Variants in GALNT13 observed in about 807,000 individuals in gnomAD.
GALNT13 encodes the protein polypeptide N-acetylgalactosaminyltransferase 13.
In GALNT13, 28 loss-of-function variants were observed where a neutral mutation model predicts 64.2. That is an observed-to-expected ratio of 0.44 (90% CI 0.32 to 0.60). The LOEUF (loss-of-function observed/expected upper bound fraction) is 0.60. GALNT13 is among the 20% of genes least tolerant of loss of function. GALNT13 has a pLI of 0.05. For missense variants in GALNT13, 577 were observed against 669.8 expected, an observed-to-expected ratio of 0.86 and a Z score of 1.53; for synonymous variants, 214 against 224.6, an observed-to-expected ratio of 0.95 and a Z score of 0.42.
At chr2:153,704,084 A>G in the GALNT13 span, among the ~76,000 whole-genome samples, 1 of 152,124 alleles carries the variant, frequency 6.6e-6, no homozygotes, top group Non-Finnish European at 1.5e-5. Flanking sequence ...CTTGTTAAAA[A>G]TCTACCCTAT....
chr2:153,592,174 T>C, the GALNT13 span, among the ~76,000 whole-genome samples: 2 of 151,968 alleles, frequency 1.3e-5, no homozygotes, highest in Non-Finnish European at 2.9e-5. Context: ...AGCATTAAAG[T>C]CAAGAAACAA....
At chr2:153,774,784 C>T in the GALNT13 span, among the ~76,000 whole-genome samples, 1 of 152,078 alleles carries the variant, frequency 6.6e-6, no homozygotes, top group Non-Finnish European at 1.5e-5. Flanking sequence ...GTGGCATGCA[C>T]CTGTAATCCT....
At chr2:153,807,919 T>C in the GALNT13 span, among the ~76,000 whole-genome samples, 1 of 152,136 alleles carries the variant, frequency 6.6e-6, no homozygotes, top group Admixed American at 6.5e-5. Context: ...TCGGTTATTT[T>C]CTTAGTGGTA....
At chr2:154,044,271 G>A (rs1699168714) in intron 3 of GALNT13, among the ~76,000 whole-genome samples, 1 of 152,094 alleles carries the variant, frequency 6.6e-6, no homozygotes, top group African/African-American at 2.4e-5. Context: ...AATGAAATGT[G>A]TGAAATTAAC....
intron 3 of GALNT13, among the ~76,000 whole-genome samples, chr2:154,120,344 C>T (rs888424483): frequency 6.6e-6 from 1 of 152,292 alleles, no homozygotes; most frequent in Middle Eastern, 3.4e-3. Flanking sequence ...TTGCAATCTG[C>T]AGTTGGGCAG....
intron 11 of GALNT13, chr2:154,409,347 T>C (rs563847102): frequency 2.0e-5 from 8 of 409,016 alleles, no homozygotes; most frequent in Middle Eastern, 7.0e-4. Context: ...CATTTTATCA[T>C]GTATTAGCAA....
chr2:154,199,486 T>G (rs1687057148), intron 4 of GALNT13, among the ~76,000 whole-genome samples: 1 of 152,052 alleles, frequency 6.6e-6, no homozygotes, highest in Non-Finnish European at 1.5e-5. Context: ...ACTTGAGGTT[T>G]AGTAAATTTT....
At chr2:153,225,410 T>A in the GALNT13 span, among the ~76,000 whole-genome samples, 1 of 152,226 alleles carries the variant, frequency 6.6e-6, no homozygotes. Flanking sequence ...GACTGGTTAG[T>A]TAGCCTTAAT....
the GALNT13 span, among the ~76,000 whole-genome samples, chr2:153,410,068 C>A: frequency 6.6e-6 from 1 of 152,164 alleles, no homozygotes; most frequent in African/African-American, 2.4e-5. Flanking sequence ...AGGGCAAAGT[C>A]TTCAAAGTCC....
chr2:153,511,088 G>A, the GALNT13 span, among the ~76,000 whole-genome samples: 31 of 152,220 alleles, frequency 2.0e-4, no homozygotes, highest in African/African-American at 7.2e-4. Context: ...AGAAAGGGGT[G>A]GAAGGAGGAA....
chr2:154,371,852 A>AT (rs1366066161), intron 9 of GALNT13, among the ~76,000 whole-genome samples: 2 of 151,860 alleles, frequency 1.3e-5, no homozygotes, highest in Non-Finnish European at 2.9e-5. Context: ...CAACATACAC[A>AT]TAAAAATACT....
At chr2:154,381,913 A>G (rs1299229570) in intron 9 of GALNT13, among the ~76,000 whole-genome samples, 1 of 152,100 alleles carries the variant, frequency 6.6e-6, no homozygotes, top group Non-Finnish European at 1.5e-5. Flanking sequence ...TGCAACAGGC[A>G]AATTTAGAGG....
chr2:154,318,328 A>G (rs549069870), intron 9 of GALNT13, among the ~76,000 whole-genome samples: 6 of 152,226 alleles, frequency 3.9e-5, no homozygotes, highest in African/African-American at 9.6e-5. Context: ...GAATATTACA[A>G]TGCAATTTAG....
chr2:154,046,908 A>G (rs909223036), intron 3 of GALNT13, among the ~76,000 whole-genome samples: 2 of 147,730 alleles, frequency 1.4e-5, no homozygotes, highest in Non-Finnish European at 3.0e-5. Flanking sequence ...GACAAAATAT[A>G]TTTCTGTTGT....
chr2:153,632,287 C>A, the GALNT13 span, among the ~76,000 whole-genome samples: 10 of 152,242 alleles, frequency 6.6e-5, no homozygotes, highest in African/African-American at 2.2e-4. Context: ...GTCCCTAGCC[C>A]CCGCTGAGTT....
At chr2:154,170,737 G>A (rs1009917796) in intron 4 of GALNT13, among the ~76,000 whole-genome samples, 9 of 152,184 alleles carry the variant, frequency 5.9e-5, no homozygotes, top group South Asian at 2.1e-4. Context: ...TATTGGAATA[G>A]CACCTAAGTA....
the GALNT13 span, among the ~76,000 whole-genome samples, chr2:153,628,176 G>A: frequency 2.0e-5 from 3 of 152,056 alleles, no homozygotes; most frequent in Admixed American, 6.6e-5. Context: ...GAATGCTTGT[G>A]ATTTTTGTAC....
intron 2 of GALNT13, among the ~76,000 whole-genome samples, chr2:153,908,796 C>A (rs956672367): frequency 6.6e-6 from 1 of 151,724 alleles, no homozygotes; most frequent in African/African-American, 2.4e-5. Flanking sequence ...TATTGTAGCT[C>A]TGTAGTATAG....
chr2:154,341,527 G>T (rs1218968719), intron 9 of GALNT13, among the ~76,000 whole-genome samples: 1 of 152,042 alleles, frequency 6.6e-6, no homozygotes, highest in Non-Finnish European at 1.5e-5. Flanking sequence ...CCAGACATAG[G>T]TGGGACTGTC....
Sources: gnomAD v4.1 joint callset for allele counts (sites outside exome capture counted in the v4.1 genomes callset) on GRCh38, gnomAD v4.1.1 for gene constraint, MANE v1.5 for transcripts, NCBI Gene and HGNC (gene_info 2026-07-23, HGNC 2026-07-21) for gene names.